Variants in ASPHD1 observed in about 807,000 individuals in gnomAD.
The protein encoded by ASPHD1 is aspartate beta-hydroxylase domain-containing protein 1.
ASPHD1 carries 20 observed loss-of-function variants against 28.3 expected under a neutral mutation model. The observed-to-expected ratio is 0.71, with a 90% CI of 0.50 to 1.03. The LOEUF is 1.03. Among genes scored for constraint, ASPHD1 ranks in the 50% least tolerant of loss-of-function variants. ASPHD1 has a pLI of 0.00. For synonymous variants in ASPHD1, 240 were observed against 221.2 expected, an observed-to-expected ratio of 1.08 and a Z score of -0.75; for missense variants, 479 against 524.1, an observed-to-expected ratio of 0.91 and a Z score of 0.84.
At chr16:29,904,570 A>ACCACT (rs2150829536) in intron 1 of ASPHD1, among the ~76,000 whole-genome samples, 1 of 149,840 alleles carries the variant, frequency 6.7e-6, no homozygotes, top group East Asian at 2.0e-4. Flanking sequence ...CTGAGATCAC[A>ACCACT]CCACTCCACT....
At chr16:29,911,211 G>A in intron 3 of ASPHD1, 1 of 1,531,638 alleles carries the variant, frequency 6.5e-7, no homozygotes, top group Non-Finnish European at 9.0e-7. Context: ...AGCGCAGTTG[G>A]CACCCCTCCC....
At chr16:29,911,032 G>C (rs929615760), downstream of ASPHD1, 67 of 1,614,052 alleles carry the variant, frequency 4.2e-5, no homozygotes, top group Non-Finnish European at 5.1e-5. Context: ...ACACCTCGGC[G>C]ATTTTGCGGC....
intron 1 of ASPHD1, among the ~76,000 whole-genome samples, chr16:29,903,693 C>G (rs1158470114): frequency 6.6e-6 from 1 of 152,094 alleles, no homozygotes. Flanking sequence ...CCAATCCTGA[C>G]AGATGCCACA....
chr16:29,904,857 A>G lies in ASPHD1; in HGVS notation c.955A>G (p.Lys319Glu). Reference protein sequence around the residue: ...NARVRCHLGLKIPPGCELVVG... With the variant: ...NARVRCHLGLEIPPGCELVVG... ...GCCCGCGTCTCTTCTTACAGGCCTA[A>G]AGATCCCTCCTGGCTGTGAGCTGGT... Residue 319 changes from lysine to glutamate, a missense_variant, in exon 2 of 3, where the codon AAG becomes GAG. By Grantham distance (56) the Lys-to-Glu change is moderately conservative. Transcript: ENST00000308748. The G allele has an allele frequency of 6.2e-7, 1 of 1,610,472 alleles. No individual in the cohort carries two copies. The highest frequency in any genetic ancestry group is 2.2e-5 in the East Asian group (1 of 44,594).
downstream of ASPHD1, chr16:29,906,724 G>A (rs2068619666): frequency 1.4e-6 from 1 of 702,094 alleles, no homozygotes; most frequent in Non-Finnish European, 2.5e-6. Flanking sequence ...GGGTGGAGAA[G>A]GGCCAAAGTG....
At chr16:29,906,144 C>T (rs200193860), downstream of ASPHD1, 64 of 267,620 alleles carry the variant, frequency 2.4e-4, no homozygotes, top group African/African-American at 1.3e-3. Context: ...CCTTTTTTTT[C>T]TTTCTTTTTT....
At chr16:29,910,619 A>G (rs1162444430), downstream of ASPHD1, among the ~76,000 whole-genome samples, 1 of 152,128 alleles carries the variant, frequency 6.6e-6, no homozygotes, top group African/African-American at 2.4e-5. Flanking sequence ...TTGGCCTCCC[A>G]GAGTCCTGGG....
rs1163393967 is a variant in ASPHD1 at position 29,904,870 on chromosome 16, G to C, written c.968G>C (p.Gly323Ala). ...CTTACAGGCCTAAAGATCCCTCCTGGCTGTGAGCTGGTGGTCGGCGGTGAG... is the reference window on the plus strand; with the variant it reads ...CTTACAGGCCTAAAGATCCCTCCTGCCTGTGAGCTGGTGGTCGGCGGTGAG... The part of the protein sequence containing the change: ...RCHLGLKIPP[G>A]CELVVGGEPQ... Residue 323 changes from glycine to alanine, a missense_variant, in exon 2 of 3, where the codon GGC becomes GCC. By Grantham distance (60) the Gly-to-Ala change is moderately conservative. Coordinates refer to ENST00000308748, the MANE Select transcript of ASPHD1 (RefSeq NM_181718.4). 4 of 1,612,684 alleles carry C rather than the reference G, an allele frequency of 2.5e-6. No individual in the cohort carries two copies. The East Asian group carries it at 6.7e-5, about 27-fold the overall frequency.
chr16:29,904,789 C>T (rs2068585935), intron 1 of ASPHD1, 63 bp from the exon 2 acceptor site: 1 of 1,099,474 alleles, frequency 9.1e-7, no homozygotes, highest in African/African-American at 1.6e-5. Context: ...TGCTAATTGA[C>T]TGGCCAGGAT....
rs1310485266 is a variant in ASPHD1 at position 29,906,054 on chromosome 16, TA to T, written c.*159del. On this transcript the variant is annotated 3_prime_UTR_variant, in exon 3 of 3. Coordinates refer to ENST00000308748, the MANE Select transcript of ASPHD1 (RefSeq NM_181718.4). ...GAAATATAAATTCTGAATCCTCTCCTAACTCCCGACTACTTCCTTCGCAGGG... is the reference window on the plus strand; with the variant it reads ...GAAATATAAATTCTGAATCCTCTCCTACTCCCGACTACTTCCTTCGCAGGG... The T allele has an allele frequency of 9.3e-6, 5 of 537,760 alleles. No homozygotes were observed. The Admixed American group carries it at 1.7e-4, about 19-fold the overall frequency. The allele number at this position is 537,760 out of a possible 1,614,324, so 33.3% of individuals were successfully genotyped here.
intron 1 of ASPHD1, among the ~76,000 whole-genome samples, chr16:29,903,722 C>G (rs191721965): frequency 6.6e-6 from 1 of 152,054 alleles, no homozygotes; most frequent in East Asian, 1.9e-4. Context: ...TCTTTTCAAC[C>G]TAGAATCCCC....
At chr16:29,909,638 T>C (rs2150833446), downstream of ASPHD1, among the ~76,000 whole-genome samples, 1 of 152,172 alleles carries the variant, frequency 6.6e-6, no homozygotes, top group East Asian at 1.9e-4. Flanking sequence ...AGACATCTGA[T>C]TCTGAGGTTT....
At position 29,914,723 on chromosome 16, in the gene ASPHD1, G is replaced by A. The variant is rs187310193; in HGVS notation, c.*63-4808G>A. 380 of 152,374 alleles carry A rather than the reference G, an allele frequency of 2.5e-3. 1 individual carries two copies. Among genetic ancestry groups the A allele is most frequent in the Middle Eastern group, 0.01 (3 of 296 alleles). The allele number at this position is 152,374 out of a possible 1,614,324, so 9.4% of individuals were successfully genotyped here. On this transcript the variant is annotated intron_variant and NMD_transcript_variant, in intron 3 of 3. Transcript: ENST00000414952. ...GTTGGGATTACAGGCGTGAGCCACCGCATCCAGCCCTTAAGTGCATTTCCT... is the reference window on the plus strand; with the variant it reads ...GTTGGGATTACAGGCGTGAGCCACCACATCCAGCCCTTAAGTGCATTTCCT...
intron 3 of ASPHD1, among the ~76,000 whole-genome samples, chr16:29,918,842 T>C (rs2068858080): frequency 6.6e-6 from 1 of 152,000 alleles, no homozygotes; most frequent in African/African-American, 2.4e-5. Flanking sequence ...GTATTTTTAG[T>C]AGATACAGGG....
intron 3 of ASPHD1, among the ~76,000 whole-genome samples, chr16:29,912,990 CCT>C (rs1338186468): frequency 1.3e-5 from 2 of 152,150 alleles, no homozygotes; most frequent in South Asian, 2.1e-4. Context: ...TGCCAAAATC[CCT>C]CTCACTTCTC....
chr16:29,907,129 C>T (rs1158469537), downstream of ASPHD1: 3 of 1,550,962 alleles, frequency 1.9e-6, no homozygotes, highest in African/African-American at 2.7e-5. Context: ...CCAGCCGGCC[C>T]CAGCTCCTTC....
chr16:29,916,599 C>G (rs1238808202), intron 3 of ASPHD1, among the ~76,000 whole-genome samples: 2 of 152,176 alleles, frequency 1.3e-5, no homozygotes, highest in East Asian at 3.8e-4. Flanking sequence ...TGTGGAGGCT[C>G]ATGCCTGTAA....
intron 3 of ASPHD1, chr16:29,913,303 C>G (rs1374795100): frequency 6.6e-6 from 1 of 152,038 alleles, no homozygotes; most frequent in African/African-American, 2.4e-5. Context: ...TTAAGATAGG[C>G]TGCAAAGCCA....
rs140494416 is a variant in ASPHD1, at chr16:29,912,030, G to T, written c.*62+6071G>T. 89 of 1,608,876 alleles carry T rather than the reference G, an allele frequency of 5.5e-5. No individual in the cohort carries two copies. The highest frequency in any genetic ancestry group is 7.1e-5 in the Non-Finnish European group (84 of 1,177,706). On this transcript the variant is annotated intron_variant and NMD_transcript_variant, in intron 3 of 3. Coordinates refer to the ASPHD1 transcript ENST00000414952. ...CACCATGGGGATGAGGCACAGCGGG[G>T]ACAGCGTCTCCCTTTTTTGCTGGGG...
Sources: gnomAD v4.1 joint callset for allele counts (sites outside exome capture counted in the v4.1 genomes callset) on GRCh38, gnomAD v4.1.1 for gene constraint, MANE v1.5 for transcripts, NCBI Gene and HGNC (gene_info 2026-07-23, HGNC 2026-07-21) for gene names.